The following FIP1L1 variants were observed in gnomAD, a reference collection of about 807,000 sequenced individuals.
The protein encoded by FIP1L1 is factor interacting with PAPOLA and CPSF1.
A neutral mutation model predicts 84.6 loss-of-function variants in FIP1L1; 21 were observed. The ratio of observed to expected loss-of-function variants is 0.25; its 90% CI spans 0.18 to 0.36. The LOEUF (loss-of-function observed/expected upper bound fraction) is 0.36, where lower values mean the gene tolerates loss of function less well. Among genes scored for constraint, FIP1L1 ranks in the 10% least tolerant of loss-of-function variants. The probability of loss-of-function intolerance (pLI) is 1.00; values close to 1 mark genes in which losing one functional copy is unlikely to be tolerated. For synonymous variants in FIP1L1, 263 were observed against 242.3 expected (o/e 1.09, Z -0.80); for missense variants, 526 against 751.1 (o/e 0.70, Z 3.50).
intron 13 of FIP1L1, among the ~76,000 whole-genome samples, chr4:53,436,253 C>T (rs986410889): frequency 2.9e-4 from 44 of 152,312 alleles, no homozygotes; most frequent in Non-Finnish European, 4.4e-4. Flanking sequence ...GAATCTGGGA[C>T]AGCTTAGCTG....
At position 53,443,298 on chromosome 4, in the gene FIP1L1, G is replaced by A. The variant is rs192019505; in HGVS notation, c.1229+591G>A. 1.6e-3 allele frequency among the ~76,000 whole-genome samples: 237 copies of A among 152,242 alleles called. 2 individuals carry two copies. The highest frequency in any genetic ancestry group is 2.6e-3 in the Non-Finnish European group (180 of 67,964). ...CAAACAGTGTTGCTAGGCAAGGTTC[G>A]TAAGCCCTTTGAGACTCAGTTTTCC... is the stretch of plus-strand genomic sequence containing the variant. On this transcript the variant is annotated intron_variant, in intron 14 of 17. Transcript: ENST00000337488.
At chr4:53,458,957 A>C (rs1720961871) in intron 17 of FIP1L1, among the ~76,000 whole-genome samples, 167 bp downstream of exon 17, 1 of 152,158 alleles carries the variant, frequency 6.6e-6, no homozygotes, top group Non-Finnish European at 1.5e-5. Flanking sequence ...AGCATTAAAC[A>C]AAATACCTAT....
chr4:53,442,663 TCCA>T lies in FIP1L1; in HGVS notation c.1189_1191del (p.Pro397del). 2 of 1,604,526 alleles carry T rather than the reference TCCA, an allele frequency of 1.2e-6. No individual in the cohort carries two copies. The highest frequency in any genetic ancestry group is 1.7e-6 in the Non-Finnish European group (2 of 1,171,646). On this transcript the variant is annotated inframe_deletion, in exon 14 of 18. Coordinates refer to ENST00000337488, the MANE Select transcript of FIP1L1 (RefSeq NM_030917.4). ...GATTGAATGTTTCAGGTTTTCCTCC[TCCA>T]CCAGGCGCTCCACCTCCATCTCTTA... is the stretch of plus-strand genomic sequence containing the variant.
At position 53,459,518 on chromosome 4, in the gene FIP1L1, A is replaced by G; in HGVS notation, c.*69A>G. 1 of 1,596,242 alleles carries G rather than the reference A, an allele frequency of 6.3e-7. No homozygotes were observed. The highest frequency in any genetic ancestry group is 8.6e-7 in the Non-Finnish European group (1 of 1,167,468). On this transcript the variant is annotated 3_prime_UTR_variant, in exon 18 of 18. Transcript: ENST00000337488. ...ACTATAAATCTTGTTATTTTTCTGG[A>G]TAATGTTTAAGAAATTTACCTTAAA... is the stretch of plus-strand genomic sequence containing the variant.
Position 53,460,803 on chromosome 4 carries a change from A to AATG in FIP1L1, c.*1355_*1357dup, listed in dbSNP as rs1721887409. On this transcript the variant is annotated 3_prime_UTR_variant, in exon 18 of 18. Coordinates refer to ENST00000337488, the MANE Select transcript of FIP1L1 (RefSeq NM_030917.4). ...ATCATACTTTTCCTGACATTTTTAC[A>AATG]ATGTATTCTTTCTTTAAATATAAAA... 8.8e-7 allele frequency: 1 copy of AATG among 1,141,416 alleles called. No individual in the cohort carries two copies. Among genetic ancestry groups the AATG allele is most frequent in the African/African-American group, 1.6e-5 (1 of 61,544 alleles). The allele number at this position is 1,141,416 out of a possible 1,614,324, so 70.7% of individuals were successfully genotyped here.
intron 9 of FIP1L1, among the ~76,000 whole-genome samples, chr4:53,395,154 G>A (rs533655117): frequency 6.6e-6 from 1 of 152,284 alleles, no homozygotes; most frequent in South Asian, 2.1e-4. Flanking sequence ...CAAATTTTGA[G>A]TGTGTAATCT....
intron 12 of FIP1L1, 88 bp downstream of exon 12, chr4:53,426,053 C>T: frequency 2.3e-6 from 2 of 854,008 alleles, no homozygotes; most frequent in Admixed American, 2.5e-5. Context: ...AGTCATAGTG[C>T]TATGCTGTGT....
At chr4:53,439,927 A>T (rs1267844042) in intron 13 of FIP1L1, among the ~76,000 whole-genome samples, 1 of 152,060 alleles carries the variant, frequency 6.6e-6, no homozygotes, top group Admixed American at 6.5e-5. Context: ...AATGTGTACA[A>T]ATAATGAGTG....
At chr4:53,440,620 T>A in intron 13 of FIP1L1, 1 of 1,510,838 alleles carries the variant, frequency 6.6e-7, no homozygotes, top group African/African-American at 1.4e-5. Flanking sequence ...TAAAACTTTT[T>A]TCATGTTTTC....
chr4:53,453,141 GGGTGTGC>G lies in FIP1L1; in HGVS notation c.1499+9_1499+15del. ...ACCAAGTGTTTTCAACAGGTTTGTT[GGGTGTGC>G]AGGAGTTTATACTATGTATTTTATA... is the stretch of plus-strand genomic sequence containing the variant. On this transcript the variant is annotated intron_variant, in intron 16 of 17. Coordinates refer to ENST00000337488, the MANE Select transcript of FIP1L1 (RefSeq NM_030917.4). The G allele has an allele frequency of 6.2e-7, 1 of 1,613,896 alleles. No homozygotes were observed. The highest frequency in any genetic ancestry group is 8.5e-7 in the Non-Finnish European group (1 of 1,179,946).
chr4:53,404,069 T>C lies in FIP1L1; in HGVS notation c.815+4230T>C, dbSNP rs527284564. 4.6e-5 allele frequency among the ~76,000 whole-genome samples: 7 copies of C among 151,964 alleles called. No individual in the cohort carries two copies. In the East Asian group the frequency reaches 1.4e-3, roughly 29 times the overall value. Reference sequence around the variant, plus strand: ...TACATGTGCACAATGTGCAGTTTAGTTACATATGTATACATGTGCCATGCT... The same window carrying C: ...TACATGTGCACAATGTGCAGTTTAGCTACATATGTATACATGTGCCATGCT... On this transcript the variant is annotated intron_variant, in intron 10 of 17. Transcript: ENST00000337488.
At position 53,425,052 on chromosome 4, in the gene FIP1L1, AGG is replaced by A. The variant is rs1420119106; in HGVS notation, c.924-819_924-818del. 4.6e-5 allele frequency among the ~76,000 whole-genome samples: 7 copies of A among 152,118 alleles called. No homozygotes were observed. The South Asian group carries it at 1.5e-3, about 32-fold the overall frequency. ...TTGTTTTGCTTCTATAAAGTTTTAAAGGCAGTATTGTTCAGAACTGAAATATA... is the reference window on the plus strand; with the variant it reads ...TTGTTTTGCTTCTATAAAGTTTTAAACAGTATTGTTCAGAACTGAAATATA... On this transcript the variant is annotated intron_variant, in intron 11 of 17. Coordinates refer to ENST00000337488, the MANE Select transcript of FIP1L1 (RefSeq NM_030917.4).
At chr4:53,412,855 T>A (rs951523294) in intron 10 of FIP1L1, among the ~76,000 whole-genome samples, 2 of 152,100 alleles carry the variant, frequency 1.3e-5, no homozygotes, top group Non-Finnish European at 2.9e-5. Context: ...AATTTTTTCT[T>A]TAGTCAGTTA....
intron 15 of FIP1L1, among the ~76,000 whole-genome samples, chr4:53,450,682 A>G (rs1280872766): frequency 1.3e-5 from 2 of 152,206 alleles, no homozygotes; most frequent in East Asian, 3.8e-4. Flanking sequence ...TAAAACAAAA[A>G]GAAACCACTT....
At chr4:53,400,538 A>G (rs1235956029) in intron 10 of FIP1L1, among the ~76,000 whole-genome samples, 3 of 152,204 alleles carry the variant, frequency 2.0e-5, no homozygotes, top group Admixed American at 6.5e-5. Context: ...CCCAACTATT[A>G]CTAGTTCTCG....
intron 5 of FIP1L1, among the ~76,000 whole-genome samples, chr4:53,386,622 G>C (rs1427446281): frequency 6.6e-6 from 1 of 152,174 alleles, no homozygotes; most frequent in East Asian, 1.9e-4. Flanking sequence ...TTTGAGATGG[G>C]AGACAGTGGT....
At chr4:53,432,493 C>T (rs1355056403) in intron 13 of FIP1L1, among the ~76,000 whole-genome samples, 2 of 150,452 alleles carry the variant, frequency 1.3e-5, no homozygotes, top group Non-Finnish European at 3.0e-5. Flanking sequence ...TTCATTTTCT[C>T]GTGAATCAGA....
At chr4:53,382,238 A>T (rs747321414) in intron 3 of FIP1L1, 40 bp from the exon 4 acceptor site, 1 of 1,457,216 alleles carries the variant, frequency 6.9e-7, no homozygotes. Flanking sequence ...ACTTCCGAAA[A>T]GTAATGCCTG....
In FIP1L1 at chr4:53,440,775, A is replaced by G. The variant is rs1467667302; in HGVS notation, c.1175-1878A>G. Reference sequence around the variant, plus strand: ...TTGCTTCATTCCAGTTTTGATTAAGATATTTAGTTTTCTTATACCTGTCTT... The same window carrying G: ...TTGCTTCATTCCAGTTTTGATTAAGGTATTTAGTTTTCTTATACCTGTCTT... On this transcript the variant is annotated intron_variant, in intron 13 of 17. Coordinates refer to ENST00000337488, the MANE Select transcript of FIP1L1 (RefSeq NM_030917.4). The G allele has an allele frequency of 5.0e-6, 3 of 600,998 alleles. No homozygotes were observed. In the South Asian group the frequency reaches 5.7e-5, roughly 11 times the overall value. 37.2% of individuals were successfully genotyped at this position (600,998 alleles called of 1,614,324 possible).
Sources: allele counts gnomAD v4.1 joint callset (sites outside exome capture counted in the v4.1 genomes callset), GRCh38; gene constraint gnomAD v4.1.1; transcripts MANE v1.5; gene names NCBI Gene and HGNC (gene_info 2026-07-23, HGNC 2026-07-21).